PCDHGA3: variants seen among roughly 807,000 people sequenced by gnomAD.
PCDHGA3 encodes protocadherin gamma-A3.
In PCDHGA3, 40 loss-of-function variants were observed where a neutral mutation model predicts 58.5. The ratio of observed to expected loss-of-function variants is 0.68; its 90% CI spans 0.53 to 0.89. The LOEUF (loss-of-function observed/expected upper bound fraction) is 0.89. Ranked by LOEUF, PCDHGA3 falls within the 40% of genes least tolerant of loss-of-function variation. PCDHGA3 has a pLI of 0.00. For synonymous variants in PCDHGA3, 530 were observed against 525.7 expected (o/e 1.01, Z -0.11); for missense variants, 1,223 against 1,195.9 (o/e 1.02, Z -0.33).
chr5:141,444,561 GA>G (rs778707459), intron 1 of PCDHGA3, among the ~76,000 whole-genome samples: 17 of 152,098 alleles, frequency 1.1e-4, no homozygotes, highest in Non-Finnish European at 2.1e-4. Context: ...GCACTTATTT[GA>G]CACTTTTGAC....
In PCDHGA3 at chr5:141,351,102, C is replaced by T. The variant is rs1315943031; in HGVS notation, c.2424+4645C>T. 3 of 1,613,964 alleles carry T rather than the reference C, an allele frequency of 1.9e-6. No individual in the cohort carries two copies. In the African/African-American group the frequency reaches 4.0e-5, roughly 22 times the overall value. On this transcript the variant is annotated intron_variant, in intron 1 of 3. Coordinates refer to ENST00000253812, the MANE Select transcript of PCDHGA3 (RefSeq NM_018916.4). ...GAGATCACCTATGCCTTCCTCAATTCCCCAATAAGTACCAGCCTCTTCAAT... is the reference window on the plus strand; with the variant it reads ...GAGATCACCTATGCCTTCCTCAATTTCCCAATAAGTACCAGCCTCTTCAAT...
chr5:141,427,711 A>T, intron 1 of PCDHGA3: 1 of 1,036,498 alleles, frequency 9.6e-7, no homozygotes, highest in Non-Finnish European at 1.5e-6. Context: ...AGCGCCTCTG[A>T]CCTGGACCTA....
chr5:141,440,572 GT>G (rs1233263525), intron 1 of PCDHGA3: 1 of 152,200 alleles, frequency 6.6e-6, no homozygotes, highest in Non-Finnish European at 1.5e-5. Context: ...GTATCTCTGA[GT>G]TTACCCAGCT....
intron 1 of PCDHGA3, chr5:141,415,323 G>C: frequency 1.9e-6 from 3 of 1,614,236 alleles, no homozygotes; most frequent in South Asian, 2.2e-5. Flanking sequence ...TCGTGCTGCT[G>C]GCGCACAGGC....
At chr5:141,399,628 G>C in intron 1 of PCDHGA3, 1 of 1,613,890 alleles carries the variant, frequency 6.2e-7, no homozygotes, top group Non-Finnish European at 8.5e-7. Flanking sequence ...GGCCTCTTAC[G>C]TGTCCATGAG....
At chr5:141,419,576 G>A (rs958064613) in intron 1 of PCDHGA3, 10 of 1,611,766 alleles carry the variant, frequency 6.2e-6, no homozygotes, top group Non-Finnish European at 6.8e-6. Flanking sequence ...CGACGGCTCC[G>A]CGCTCTTCGA....
chr5:141,361,413 CG>C (rs1007927822), intron 1 of PCDHGA3: 3 of 1,613,902 alleles, frequency 1.9e-6, no homozygotes, highest in South Asian at 2.2e-5. Context: ...CAGCCACCGA[CG>C]GGGGCAAGCC....
intron 1 of PCDHGA3, chr5:141,399,515 C>T (rs748098945): frequency 6.2e-7 from 1 of 1,614,040 alleles, no homozygotes; most frequent in African/African-American, 1.3e-5. Context: ...AACAACCCTC[C>T]TGGGGCCTCC....
chr5:141,490,080 T>A lies in PCDHGA3; in HGVS notation c.2425-4727T>A, dbSNP rs2099695881. On this transcript the variant is annotated intron_variant, in intron 1 of 3. Coordinates refer to ENST00000253812, the MANE Select transcript of PCDHGA3 (RefSeq NM_018916.4). The surrounding 1 kb of genome is among the most constrained non-coding windows in gnomAD (Gnocchi z 5.4). ...GCACCAACGGCCAACTAGACTATTCTTTTGGAGACCACACATCTGAGGCAG... is the reference window on the plus strand; with the variant it reads ...GCACCAACGGCCAACTAGACTATTCATTTGGAGACCACACATCTGAGGCAG... The A allele has an allele frequency of 6.2e-7, 1 of 1,614,246 alleles. No homozygotes were observed. The highest frequency in any genetic ancestry group is 2.2e-5 in the East Asian group (1 of 44,884).
At chr5:141,440,155 A>C (rs1250255277) in intron 1 of PCDHGA3, 1 of 152,238 alleles carries the variant, frequency 6.6e-6, no homozygotes, top group Non-Finnish European at 1.5e-5. Flanking sequence ...CCCCAATTAT[A>C]GCTTGGGCCA....
chr5:141,408,865 A>T (rs765751172), intron 1 of PCDHGA3: 9 of 1,613,684 alleles, frequency 5.6e-6, no homozygotes, highest in Admixed American at 1.7e-5. Flanking sequence ...GGGACCCACC[A>T]AGAAGTGCCA....
intron 1 of PCDHGA3, chr5:141,366,311 A>T (rs1561537361): frequency 1.9e-6 from 3 of 1,613,766 alleles, no homozygotes; most frequent in Non-Finnish European, 2.5e-6. Context: ...CTTCACGGTC[A>T]CCGTTGCCGT....
At chr5:141,435,010 G>A (rs2097736933) in intron 1 of PCDHGA3, among the ~76,000 whole-genome samples, 1 of 151,950 alleles carries the variant, frequency 6.6e-6, no homozygotes, top group Non-Finnish European at 1.5e-5. Flanking sequence ...ATTTATCAAT[G>A]ATAATGCTCT....
Position 141,431,135 on chromosome 5 carries a change from A to G in PCDHGA3, c.2425-63672A>G, listed in dbSNP as rs140069213. The G allele has an allele frequency of 1.5e-5, 24 of 1,614,266 alleles. No homozygotes were observed. In the African/African-American group the frequency reaches 3.1e-4, roughly 21 times the overall value. Reference sequence around the variant, plus strand: ...TGGAGTAGAAGTAGAAGTAAGGGACATTAACGACAATGCGCCTTACTTTCG... The same window carrying G: ...TGGAGTAGAAGTAGAAGTAAGGGACGTTAACGACAATGCGCCTTACTTTCG... On this transcript the variant is annotated intron_variant, in intron 1 of 3. Transcript: ENST00000253812. This position sits in a 1 kb window ranked among gnomAD's most constrained non-coding sequence, Gnocchi z 4.8.
At chr5:141,376,554 C>A in intron 1 of PCDHGA3, 1 of 1,611,072 alleles carries the variant, frequency 6.2e-7, no homozygotes, top group Non-Finnish European at 8.5e-7. Flanking sequence ...GATCTTCCCG[C>A]AACCCAACTA....
chr5:141,455,822 CCCCTTTTCCTGT>C (rs2098832641), intron 1 of PCDHGA3, among the ~76,000 whole-genome samples: 2 of 151,688 alleles, frequency 1.3e-5, no homozygotes, highest in African/African-American at 4.8e-5. Flanking sequence ...TTCCCAAGGA[CCCCTTTTCCTGT>C]CTATCTGCAT....
chr5:141,367,417 G>A (rs1389870101), intron 1 of PCDHGA3: 5 of 152,198 alleles, frequency 3.3e-5, no homozygotes, highest in Non-Finnish European at 7.3e-5. Context: ...GGCGCCTGTA[G>A]TCCCAGCTAC....
intron 2 of PCDHGA3, among the ~76,000 whole-genome samples, chr5:141,495,912 CTT>C (rs1210428397): frequency 6.6e-6 from 1 of 152,140 alleles, no homozygotes; most frequent in Admixed American, 6.6e-5. Flanking sequence ...CTCTGTATAT[CTT>C]TCTTTGTCTC....
chr5:141,460,346 ATTTTC>A (rs1049715417), intron 1 of PCDHGA3, among the ~76,000 whole-genome samples: 6 of 151,964 alleles, frequency 3.9e-5, no homozygotes, highest in Non-Finnish European at 8.8e-5. Flanking sequence ...TTTCTCCTAT[ATTTTC>A]TTTTAGAAGT....
Sources: allele counts gnomAD v4.1 joint callset (sites outside exome capture counted in the v4.1 genomes callset), GRCh38; gene constraint gnomAD v4.1.1; non-coding constraint Gnocchi (gnomAD v3.1); transcripts MANE v1.5; gene names NCBI Gene and HGNC (gene_info 2026-07-23, HGNC 2026-07-21).